The following ARHGAP20 variants were observed in gnomAD, a reference collection of about 807,000 sequenced individuals.
ARHGAP20 encodes the protein Rho GTPase activating protein 20, also known as rho GTPase-activating protein 20.
ARHGAP20 carries 34 observed loss-of-function variants against 73.7 expected under a neutral mutation model. The observed-to-expected ratio is 0.46, with a 90% CI of 0.35 to 0.61. ARHGAP20 has a LOEUF of 0.61. ARHGAP20 is among the 20% of genes least tolerant of loss of function. The probability of loss-of-function intolerance (pLI) is 0.00; values close to 1 mark genes in which losing one functional copy is unlikely to be tolerated. For synonymous variants in ARHGAP20, 523 were observed against 518.2 expected (o/e 1.01, Z -0.13); for missense variants, 1,314 against 1,420.9 (o/e 0.92, Z 1.21).
At position 110,688,807 on chromosome 11, in the gene ARHGAP20, G is replaced by T. The variant is rs149674341; in HGVS notation, c.188+1740C>A. Among the ~76,000 whole-genome samples, 10 of 152,244 alleles carry T rather than the reference G, an allele frequency of 6.6e-5. No homozygotes were observed. The East Asian group carries it at 1.2e-3, about 18-fold the overall frequency. ...ATTTTGATTAGGCATCTATTAAAAG[G>T]AGTTTACATTTCTTGATCAACCCAA... On this transcript the variant is annotated intron_variant, in intron 2 of 14. Coordinates refer to ENST00000683387, the MANE Select transcript of ARHGAP20 (RefSeq NM_001384657.1).
intron 2 of ARHGAP20, among the ~76,000 whole-genome samples, chr11:110,632,354 A>T (rs1948876964): frequency 6.6e-6 from 1 of 152,136 alleles, no homozygotes; most frequent in South Asian, 2.1e-4. Flanking sequence ...GGTGTTATCA[A>T]TCTTTTGAAT....
intron 14 of ARHGAP20, 45 bp downstream of exon 14, chr11:110,582,274 ACC>A (rs756995988): frequency 5.9e-5 from 86 of 1,451,980 alleles, no homozygotes; most frequent in East Asian, 9.1e-5. Context: ...TTTACAAACA[ACC>A]ATGTGTCTGT....
Position 110,599,915 on chromosome 11 carries a change from G to T in ARHGAP20, c.964+6646C>A, listed in dbSNP as rs74681835. Among the ~76,000 whole-genome samples the T allele has an allele frequency of 1.3e-3, 195 of 152,114 alleles. 5 individuals are homozygous for T. The East Asian group carries it at 0.034, about 26-fold the overall frequency. ...ACTACAGGGAGGAGCTATCCTCTCT[G>T]CTAGGAGTTGGACATCTGATGGGAT... is the stretch of plus-strand genomic sequence containing the variant. On this transcript the variant is annotated intron_variant, in intron 9 of 14. Transcript: ENST00000683387.
intron 2 of ARHGAP20, among the ~76,000 whole-genome samples, chr11:110,637,274 G>A (rs1302599984): frequency 6.6e-6 from 1 of 152,028 alleles, no homozygotes; most frequent in Non-Finnish European, 1.5e-5. Context: ...ATGTTTATTA[G>A]TAATCAATTA....
At chr11:110,668,574 T>C (rs1263941577) in intron 2 of ARHGAP20, among the ~76,000 whole-genome samples, 1 of 151,868 alleles carries the variant, frequency 6.6e-6, no homozygotes, top group East Asian at 1.9e-4. Flanking sequence ...ACTTGAGTCC[T>C]AGAGGTGGAG....
At chr11:110,654,508 G>C (rs1949424607) in intron 2 of ARHGAP20, among the ~76,000 whole-genome samples, 1 of 152,150 alleles carries the variant, frequency 6.6e-6, no homozygotes, top group Admixed American at 6.6e-5. Context: ...AGTAACTGCT[G>C]ATGCACATTA....
At chr11:110,649,998 C>T (rs1206083101) in intron 2 of ARHGAP20, among the ~76,000 whole-genome samples, 1 of 152,128 alleles carries the variant, frequency 6.6e-6, no homozygotes, top group African/African-American at 2.4e-5. Flanking sequence ...TCTCTGAGCA[C>T]ATAAACTACA....
chr11:110,650,214 A>C (rs1048512627), intron 2 of ARHGAP20, among the ~76,000 whole-genome samples: 2 of 152,114 alleles, frequency 1.3e-5, no homozygotes, highest in African/African-American at 4.8e-5. Context: ...CACTTTAATT[A>C]TAGTATGTAT....
At chr11:110,688,915 G>GT (rs1950187499) in intron 2 of ARHGAP20, among the ~76,000 whole-genome samples, 2 of 152,076 alleles carry the variant, frequency 1.3e-5, no homozygotes, top group South Asian at 4.2e-4. Flanking sequence ...AGAAAGTGAC[G>GT]TGAGTGTTTT....
At chr11:110,703,460 T>C (rs1448800934) in intron 1 of ARHGAP20, among the ~76,000 whole-genome samples, 1 of 151,310 alleles carries the variant, frequency 6.6e-6, no homozygotes, top group East Asian at 1.9e-4. Context: ...TCACTATATA[T>C]ATATATTCAT....
Position 110,712,212 on chromosome 11 carries a change from T to A in ARHGAP20, c.20A>T (p.Gln7Leu), listed in dbSNP as rs759556628. Reference protein sequence around the residue: MEAMSPQQETLGGQPGR... With the variant: MEAMSPLQETLGGQPGR... ...CGGCTGTCCCCCTAGAGTCTCCTGC[T>A]GGGGGGACATCGCTTCCATGAAGAA... is the stretch of plus-strand genomic sequence containing the variant. Residue 7 changes from glutamine (Q) to leucine (L), a missense_variant, in exon 1 of 15, where the codon CAG becomes CTG. Gln to Leu is a moderately radical substitution (Grantham distance 113, BLOSUM62 -2). Coordinates refer to ENST00000683387, the MANE Select transcript of ARHGAP20 (RefSeq NM_001384657.1). 4.4e-6 allele frequency: 6 copies of A among 1,366,332 alleles called. No homozygotes were observed. The Admixed American group carries it at 1.4e-4, about 32-fold the overall frequency. The allele number at this position is 1,366,332 out of a possible 1,614,324, so 84.6% of individuals were successfully genotyped here.
intron 5 of ARHGAP20, 31 bp from the exon 6 acceptor site, chr11:110,614,676 C>T (rs1948446151): frequency 1.4e-6 from 2 of 1,441,486 alleles, no homozygotes; most frequent in Non-Finnish European, 9.5e-7. Context: ...CCCAAAACAA[C>T]ACTGAGTCAG....
At chr11:110,680,692 A>G (rs1950021009) in intron 2 of ARHGAP20, among the ~76,000 whole-genome samples, 1 of 152,192 alleles carries the variant, frequency 6.6e-6, no homozygotes, top group South Asian at 2.1e-4. Flanking sequence ...TGACCCCATC[A>G]AAGCCCACTA....
At chr11:110,637,051 G>A (rs1948983432) in intron 2 of ARHGAP20, among the ~76,000 whole-genome samples, 1 of 151,778 alleles carries the variant, frequency 6.6e-6, no homozygotes, top group East Asian at 1.9e-4. Flanking sequence ...TTTTCAAATG[G>A]GTTTGTGAAA....
chr11:110,637,131 C>T (rs953938505), intron 2 of ARHGAP20, among the ~76,000 whole-genome samples: 2 of 151,960 alleles, frequency 1.3e-5, no homozygotes, highest in African/African-American at 4.8e-5. Context: ...AAAACCTGGC[C>T]ACAGTAATAT....
intron 2 of ARHGAP20, among the ~76,000 whole-genome samples, chr11:110,667,455 A>G (rs1211157639): frequency 6.6e-6 from 1 of 152,218 alleles, no homozygotes; most frequent in Non-Finnish European, 1.5e-5. Context: ...ATTGCTCAGA[A>G]AAATAGATTC....
rs1266995197 is a variant in ARHGAP20 at position 110,700,894 on chromosome 11, C to T, written c.106-10265G>A. Among the ~76,000 whole-genome samples the T allele has an allele frequency of 2.0e-5, 3 of 151,634 alleles. No individual in the cohort carries two copies. The East Asian group carries it at 5.8e-4, about 29-fold the overall frequency. On this transcript the variant is annotated intron_variant, in intron 1 of 14. Coordinates refer to ENST00000683387, the MANE Select transcript of ARHGAP20 (RefSeq NM_001384657.1). ...TGAGAATGATGATTTCCAATTTCATCCATGTCCCTACAAAGGACATGAACT... is the reference window on the plus strand; with the variant it reads ...TGAGAATGATGATTTCCAATTTCATTCATGTCCCTACAAAGGACATGAACT...
At chr11:110,633,145 A>C (rs1948892877) in intron 2 of ARHGAP20, among the ~76,000 whole-genome samples, 1 of 152,106 alleles carries the variant, frequency 6.6e-6, no homozygotes, top group Non-Finnish European at 1.5e-5. Flanking sequence ...TCCCAAATTA[A>C]TTTTGCTTAA....
intron 1 of ARHGAP20, chr11:110,691,094 A>T: frequency 9.6e-7 from 1 of 1,042,682 alleles, no homozygotes; most frequent in Non-Finnish European, 1.3e-6. Flanking sequence ...AAAAGCACAG[A>T]GACTAGATTT....
Sources: allele counts gnomAD v4.1 joint callset (sites outside exome capture counted in the v4.1 genomes callset), GRCh38; gene constraint gnomAD v4.1.1; transcripts MANE v1.5; gene names NCBI Gene and HGNC (gene_info 2026-07-23, HGNC 2026-07-21).